The following NPAS2 variants were observed in gnomAD, a reference collection of about 807,000 sequenced individuals.
NPAS2 encodes neuronal PAS domain-containing protein 2.
In NPAS2, 23 loss-of-function variants were observed where a neutral mutation model predicts 107.5. That is an observed-to-expected ratio of 0.21 (90% confidence interval 0.15 to 0.30). The LOEUF (loss-of-function observed/expected upper bound fraction) is 0.30, where lower values mean the gene tolerates loss of function less well. NPAS2 is among the 10% of genes least tolerant of loss of function. NPAS2 has a pLI of 1.00. For missense variants in NPAS2, 756 were observed against 1,043.3 expected (o/e 0.72, Z 3.79); for synonymous variants, 403 against 417.5 (o/e 0.97, Z 0.42).
In NPAS2 at chr2:100,990,280, C is replaced by G. The variant is rs1189687876; in HGVS notation, c.1852C>G (p.Gln618Glu). ...TQGPKPMRSS[Q>E]LMQSSGRSGS... ...GGGTCCAAAGCCAATGAGAAGCTCACAGCTAATGCAGAGCAGCGGCCGCTC... is the reference window on the plus strand; with the variant it reads ...GGGTCCAAAGCCAATGAGAAGCTCAGAGCTAATGCAGAGCAGCGGCCGCTC... Residue 618 changes from glutamine (Q) to glutamate (E), a missense_variant, in exon 18 of 21, where the codon CAG (glutamine) becomes GAG (glutamate). By Grantham distance (29) the Gln-to-Glu change is conservative (BLOSUM62 2). Coordinates refer to ENST00000335681, the MANE Select transcript of NPAS2 (RefSeq NM_002518.4). The G allele has an allele frequency of 6.2e-7, 1 of 1,614,146 alleles. No homozygotes were observed. Among genetic ancestry groups the G allele is most frequent in the Non-Finnish European group, 8.5e-7 (1 of 1,180,010 alleles).
intron 1 of NPAS2, among the ~76,000 whole-genome samples, chr2:100,840,157 C>G (rs1677304345): frequency 6.6e-6 from 1 of 152,146 alleles, no homozygotes; most frequent in Non-Finnish European, 1.5e-5. Flanking sequence ...CTTGTTCACC[C>G]TTTCGGACAG....
intron 1 of NPAS2, among the ~76,000 whole-genome samples, chr2:100,848,984 G>A (rs147382268): frequency 4.6e-5 from 7 of 152,344 alleles, no homozygotes; most frequent in African/African-American, 4.8e-5. Context: ...GGCAGATGCC[G>A]CAGGTCATCC....
At chr2:100,901,005 GGCATGAA>G (rs1681736498) in intron 1 of NPAS2, among the ~76,000 whole-genome samples, 1 of 152,062 alleles carries the variant, frequency 6.6e-6, no homozygotes, top group African/African-American at 2.4e-5. Flanking sequence ...TGGGATTACA[GGCATGAA>G]GCATGAAGCA....
chr2:100,986,818 C>A (rs1291530104), intron 16 of NPAS2: 2 of 152,132 alleles, frequency 1.3e-5, no homozygotes, highest in African/African-American at 4.8e-5. Flanking sequence ...CATTATCTAC[C>A]AAAACTATTC....
At chr2:100,888,708 C>A (rs1680863693) in intron 1 of NPAS2, among the ~76,000 whole-genome samples, 1 of 152,152 alleles carries the variant, frequency 6.6e-6, no homozygotes, top group Admixed American at 6.5e-5. Flanking sequence ...GCCAGAGCTT[C>A]ATGTGTAGTT....
chr2:100,932,691 TG>T (rs1206498142), intron 3 of NPAS2, among the ~76,000 whole-genome samples: 2 of 151,280 alleles, frequency 1.3e-5, no homozygotes, highest in South Asian at 2.1e-4. Context: ...ATAGAGAAGG[TG>T]GGGGATGCAC....
At chr2:100,849,344 C>G (rs1677999653) in intron 1 of NPAS2, among the ~76,000 whole-genome samples, 2 of 152,134 alleles carry the variant, frequency 1.3e-5, no homozygotes, top group Non-Finnish European at 2.9e-5. Flanking sequence ...ACCAATAAAT[C>G]CAAGAAAGGG....
intron 7 of NPAS2, among the ~76,000 whole-genome samples, chr2:100,953,375 T>TAAAAA (rs770159746): frequency 2.3e-5 from 2 of 87,958 alleles, no homozygotes; most frequent in East Asian, 5.0e-4. Context: ...CTCCATCTCA[T>TAAAAA]AAAAAAAAAA....
chr2:100,919,373 A>G (rs953135950), intron 2 of NPAS2, among the ~76,000 whole-genome samples: 4 of 151,660 alleles, frequency 2.6e-5, no homozygotes, highest in Non-Finnish European at 5.9e-5. Flanking sequence ...TTTTAAGGGG[A>G]AAAAAAACAA....
At chr2:100,958,730 G>A (rs79267756) in intron 7 of NPAS2, among the ~76,000 whole-genome samples, 15,535 of 152,074 alleles carry the variant, frequency 0.1, 1,456 homozygotes, top group East Asian at 0.41. Flanking sequence ...TCCCATAATC[G>A]TGATAAAAAT....
intron 10 of NPAS2, among the ~76,000 whole-genome samples, chr2:100,966,848 C>T (rs187861738): frequency 5.3e-5 from 8 of 152,222 alleles, no homozygotes; most frequent in Admixed American, 1.3e-4. Flanking sequence ...CTGCTCACCT[C>T]GGCCTCCCAA....
intron 1 of NPAS2, chr2:100,878,052 C>T (rs1680097731): frequency 1.0e-6 from 1 of 985,256 alleles, no homozygotes; most frequent in African/African-American, 1.7e-5. Flanking sequence ...CCCCGTGGAC[C>T]TGCCGTGATT....
At chr2:100,822,947 C>T (rs534883060) in intron 1 of NPAS2, 2 of 152,286 alleles carry the variant, frequency 1.3e-5, no homozygotes, top group African/African-American at 4.8e-5. Context: ...GCATTATTTG[C>T]TTACAGAAGT....
chr2:100,935,094 A>T (rs1684216467), intron 4 of NPAS2: 1 of 985,310 alleles, frequency 1.0e-6, no homozygotes, highest in African/African-American at 1.7e-5. Context: ...ACCTGGCTGA[A>T]AAAACAAAAT....
chr2:100,891,922 G>A (rs886545168), intron 1 of NPAS2, among the ~76,000 whole-genome samples: 10 of 152,100 alleles, frequency 6.6e-5, no homozygotes, highest in Admixed American at 4.6e-4. Flanking sequence ...GATTCATTTC[G>A]GCTTGTCTGT....
intron 17 of NPAS2, chr2:100,988,555 T>A: frequency 2.3e-6 from 1 of 442,762 alleles, no homozygotes; most frequent in Non-Finnish European, 4.1e-6. Flanking sequence ...AATGTTCACC[T>A]TTGATGCTGA....
chr2:100,933,018 AAATAGCTTAAAC>A lies in NPAS2; in HGVS notation c.273+19_273+30del. On this transcript the variant is annotated intron_variant, in intron 4 of 20. Coordinates refer to ENST00000335681, the MANE Select transcript of NPAS2 (RefSeq NM_002518.4). ...ATGTTGGAGGTGAAATGCACTTTCA[AAATAGCTTAAAC>A]AGTTGCCAGTTAAAATGTAGCTACT... is the stretch of plus-strand genomic sequence containing the variant. The A allele has an allele frequency of 6.3e-7, 1 of 1,576,786 alleles. No homozygotes were observed. Among genetic ancestry groups the A allele is most frequent in the Non-Finnish European group, 8.7e-7 (1 of 1,146,004 alleles).
intron 1 of NPAS2, among the ~76,000 whole-genome samples, chr2:100,869,103 AT>A (rs10608079): frequency 0.12 from 17,340 of 147,190 alleles, 2,178 homozygotes; most frequent in African/African-American, 0.32. Context: ...TAATTTTTGT[AT>A]TTTTTTTTTT....
rs1181194786 is a variant in NPAS2, at chr2:100,950,333, A to G, written c.598+853A>G. ...GACAGGGAATGGGGGAAAAAAGAGGAAATGAGAAAAATACCAAAGGAAACA... is the reference window on the plus strand; with the variant it reads ...GACAGGGAATGGGGGAAAAAAGAGGGAATGAGAAAAATACCAAAGGAAACA... On this transcript the variant is annotated intron_variant, in intron 7 of 20. Coordinates refer to ENST00000335681, the MANE Select transcript of NPAS2 (RefSeq NM_002518.4). Among the ~76,000 whole-genome samples, 3 of 152,224 alleles carry G rather than the reference A, an allele frequency of 2.0e-5. No homozygotes were observed. In the East Asian group the frequency reaches 5.8e-4, roughly 29 times the overall value.
Sources: allele counts gnomAD v4.1 joint callset (sites outside exome capture counted in the v4.1 genomes callset), GRCh38; gene constraint gnomAD v4.1.1; transcripts MANE v1.5; gene names NCBI Gene and HGNC (gene_info 2026-07-23, HGNC 2026-07-21).